C8A: variants seen among roughly 807,000 people sequenced by gnomAD.
The protein encoded by C8A is complement component C8 alpha chain.
A neutral mutation model predicts 65.3 loss-of-function variants in C8A; 67 were observed. The ratio of observed to expected loss-of-function variants is 1.03; its 90% CI spans 0.84 to 1.26. The LOEUF (loss-of-function observed/expected upper bound fraction) is 1.26, where lower values mean the gene tolerates loss of function less well. Ranked by LOEUF, C8A falls within the 50% of genes most tolerant of loss-of-function variation. C8A has a pLI of 0.00. For synonymous variants in C8A, 290 were observed against 259.4 expected (o/e 1.12, Z -1.13); for missense variants, 781 against 723.9 (o/e 1.08, Z -0.90).
At chr1:56,888,732 C>T (rs1644320930) in intron 7 of C8A, among the ~76,000 whole-genome samples, 1 of 152,114 alleles carries the variant, frequency 6.6e-6, no homozygotes, top group African/African-American at 2.4e-5. Flanking sequence ...AAGAATCATT[C>T]AAAAACATGA....
intron 7 of C8A, among the ~76,000 whole-genome samples, chr1:56,897,720 T>G (rs1328068484): frequency 6.6e-6 from 1 of 152,138 alleles, no homozygotes; most frequent in Non-Finnish European, 1.5e-5. Context: ...AGATTCTGAG[T>G]AGAGCATTTA....
At chr1:56,906,163 G>A (rs1170500802) in intron 7 of C8A, among the ~76,000 whole-genome samples, 1 of 152,128 alleles carries the variant, frequency 6.6e-6, no homozygotes, top group Non-Finnish European at 1.5e-5. Flanking sequence ...GAGAACATCG[G>A]TAGCTCTGAA....
intron 9 of C8A, 29 bp from the exon 10 acceptor site, chr1:56,912,373 AG>A: frequency 6.2e-7 from 1 of 1,601,798 alleles, no homozygotes; most frequent in Non-Finnish European, 8.6e-7. Context: ...GAGCCCAGGG[AG>A]GGGCCCTGTG....
chr1:56,876,234 T>C (rs1325368151), intron 4 of C8A, 25 bp downstream of exon 4: 2 of 1,613,200 alleles, frequency 1.2e-6, no homozygotes, highest in East Asian at 2.2e-5. Context: ...ACTAGCTATT[T>C]AGGAGCAGGG....
At chr1:56,857,689 A>G (rs1437103652) in intron 1 of C8A, among the ~76,000 whole-genome samples, 1 of 151,708 alleles carries the variant, frequency 6.6e-6, no homozygotes, top group Non-Finnish European at 1.5e-5. Context: ...TATGTGTCCC[A>G]TGTCTTCCTT....
At chr1:56,912,752 T>C (rs1437246141) in intron 10 of C8A, 127 bp downstream of exon 10, 2 of 782,100 alleles carry the variant, frequency 2.6e-6, no homozygotes, top group Admixed American at 4.1e-5. Context: ...GGAGCCACCC[T>C]TGAGAGTTCT....
At chr1:56,908,201 C>A (rs886320989) in intron 9 of C8A, 88 bp downstream of exon 9, 24 of 1,398,826 alleles carry the variant, frequency 1.7e-5, no homozygotes, top group Non-Finnish European at 2.3e-5. Context: ...TTATTATGAG[C>A]CCATCAAAGA....
At chr1:56,870,931 A>C (rs1291921684) in intron 2 of C8A, among the ~76,000 whole-genome samples, 2 of 152,176 alleles carry the variant, frequency 1.3e-5, no homozygotes, top group Non-Finnish European at 2.9e-5. Flanking sequence ...GTTAGAAAAG[A>C]AAATTATGTC....
chr1:56,864,865 C>T (rs1407147365), intron 1 of C8A, among the ~76,000 whole-genome samples: 1 of 152,110 alleles, frequency 6.6e-6, no homozygotes, highest in East Asian at 1.9e-4. Flanking sequence ...AAACAGTTCT[C>T]ATAATAATGG....
chr1:56,900,353 T>C (rs1267428219), intron 7 of C8A, among the ~76,000 whole-genome samples: 1 of 152,220 alleles, frequency 6.6e-6, no homozygotes, highest in African/African-American at 2.4e-5. Context: ...CTAGTATTTA[T>C]TGAAGACCTA....
chr1:56,886,455 G>A (rs745957399), intron 7 of C8A, among the ~76,000 whole-genome samples: 7 of 152,130 alleles, frequency 4.6e-5, no homozygotes, highest in African/African-American at 1.4e-4. Context: ...TAATTGGGGG[G>A]ATTTTGTTAT....
At chr1:56,876,267 G>A (rs1644198455) in intron 4 of C8A, 58 bp downstream of exon 4, 1 of 1,607,702 alleles carries the variant, frequency 6.2e-7, no homozygotes, top group African/African-American at 1.3e-5. Flanking sequence ...TCAATCGTGA[G>A]CATTAGTTTT....
intron 7 of C8A, among the ~76,000 whole-genome samples, chr1:56,895,262 T>C (rs1229095883): frequency 6.6e-6 from 1 of 152,202 alleles, no homozygotes; most frequent in Non-Finnish European, 1.5e-5. Flanking sequence ...CAAGATTTAC[T>C]GAGTATTCAC....
At chr1:56,857,256 A>G (rs1355688576) in intron 1 of C8A, among the ~76,000 whole-genome samples, 1 of 151,828 alleles carries the variant, frequency 6.6e-6, no homozygotes, top group East Asian at 1.9e-4. Context: ...GCCTACTTAC[A>G]GTTCTATCAG....
chr1:56,907,056 C>T (rs943403158), intron 8 of C8A, among the ~76,000 whole-genome samples: 1 of 152,080 alleles, frequency 6.6e-6, no homozygotes, highest in African/African-American at 2.4e-5. Flanking sequence ...CAAGTAAGAA[C>T]TAGAATGAAA....
chr1:56,907,887 T>C, intron 8 of C8A, 69 bp from the exon 9 acceptor site: 1 of 1,533,828 alleles, frequency 6.5e-7, no homozygotes, highest in Non-Finnish European at 9.0e-7. Flanking sequence ...ATCTCATTAG[T>C]GGGGTTTGTC....
chr1:56,893,903 T>C (rs1225026220), intron 7 of C8A, among the ~76,000 whole-genome samples: 3 of 152,202 alleles, frequency 2.0e-5, no homozygotes, highest in African/African-American at 7.2e-5. Context: ...TACCTCACTG[T>C]ACCTCAGTTT....
Position 56,873,980 on chromosome 1 carries a change from G to A in C8A, c.172-969G>A, listed in dbSNP as rs146283948. On this transcript the variant is annotated intron_variant, in intron 2 of 10. Transcript: ENST00000361249. ...GAAACTCTAAAGTCCCAAGATTGGC[G>A]TGCATTTTAATTCCTTCCTTCTGTC... Among the ~76,000 whole-genome samples the A allele has an allele frequency of 4.1e-3, 630 of 152,220 alleles. 4 individuals are homozygous for A. The highest frequency in any genetic ancestry group is 7.1e-3 in the Non-Finnish European group (482 of 68,016).
intron 1 of C8A, among the ~76,000 whole-genome samples, chr1:56,865,092 C>T (rs563183241): frequency 6.2e-4 from 95 of 152,274 alleles, no homozygotes; most frequent in Non-Finnish European, 9.3e-4. Flanking sequence ...AAACCTCAAT[C>T]CTTGAATAGA....
Sources: allele counts gnomAD v4.1 joint callset (sites outside exome capture counted in the v4.1 genomes callset), GRCh38; gene constraint gnomAD v4.1.1; transcripts MANE v1.5; gene names NCBI Gene and HGNC (gene_info 2026-07-23, HGNC 2026-07-21).